The following NR2C2 variants were observed in gnomAD, a reference collection of about 807,000 sequenced individuals.
NR2C2 encodes the protein Nuclear hormone receptor TR4.
In NR2C2, 6 loss-of-function variants were observed where a neutral mutation model predicts 62.9. The observed-to-expected ratio is 0.10, with a 90% CI of 0.05 to 0.19. NR2C2 has a LOEUF of 0.19. Ranked by LOEUF, NR2C2 falls within the 10% of genes least tolerant of loss-of-function variation. NR2C2 has a pLI of 1.00. For synonymous variants in NR2C2, 272 were observed against 273.8 expected (o/e 0.99, Z 0.07); for missense variants, 479 against 762.7 (o/e 0.63, Z 4.38).
intron 1 of NR2C2, among the ~76,000 whole-genome samples, chr3:14,963,787 CAA>C (rs2039758351): frequency 6.6e-6 from 1 of 152,020 alleles, no homozygotes; most frequent in East Asian, 1.9e-4. Flanking sequence ...AATTTACGTT[CAA>C]AGAGAGGATT....
rs1319877705 is a variant in NR2C2 at position 15,016,664 on chromosome 3, A to G, written c.376+410A>G. On this transcript the variant is annotated intron_variant, in intron 4 of 13. Transcript: ENST00000425241. ...TAACCCACTGTAAATAACTGCTGTA[A>G]TGAAGCAGGAGGAGGCATGTGATTC... is the stretch of plus-strand genomic sequence containing the variant. Among the ~76,000 whole-genome samples, 5 of 152,330 alleles carry G rather than the reference A, an allele frequency of 3.3e-5. No individual in the cohort carries two copies. The East Asian group carries it at 5.8e-4, about 18-fold the overall frequency.
At chr3:14,977,614 T>C (rs1178101438) in intron 1 of NR2C2, among the ~76,000 whole-genome samples, 2 of 152,196 alleles carry the variant, frequency 1.3e-5, no homozygotes, top group Non-Finnish European at 2.9e-5. Context: ...TTAGTTCCTT[T>C]CTTTCCTATG....
chr3:15,000,883 C>T (rs1052457056), intron 1 of NR2C2, among the ~76,000 whole-genome samples: 4 of 141,698 alleles, frequency 2.8e-5, no homozygotes, highest in Non-Finnish European at 6.0e-5. Flanking sequence ...GGCACAATGT[C>T]GGCTCACTGC....
At chr3:14,948,890 C>G (rs1322645131) in intron 1 of NR2C2, among the ~76,000 whole-genome samples, 1 of 152,124 alleles carries the variant, frequency 6.6e-6, no homozygotes, top group Non-Finnish European at 1.5e-5. Context: ...GCATTCTTGC[C>G]AGGCCGGACC....
chr3:15,028,451 T>C (rs2041882783), intron 7 of NR2C2, 135 bp from the exon 8 acceptor site: 1 of 701,294 alleles, frequency 1.4e-6, no homozygotes, highest in Non-Finnish European at 2.3e-6. Flanking sequence ...AAAAAGATCT[T>C]CCTCGTGTTG....
chr3:14,978,836 A>T (rs2040281628), intron 1 of NR2C2, among the ~76,000 whole-genome samples: 1 of 152,166 alleles, frequency 6.6e-6, no homozygotes. Context: ...GGTTCAAGTT[A>T]TCCACAGACT....
At chr3:14,996,021 GTCT>G (rs1222909771) in intron 1 of NR2C2, among the ~76,000 whole-genome samples, 2 of 152,088 alleles carry the variant, frequency 1.3e-5, no homozygotes, top group Non-Finnish European at 2.9e-5. Flanking sequence ...ATTGGTTTTT[GTCT>G]TCTTTTCATT....
intron 1 of NR2C2, among the ~76,000 whole-genome samples, chr3:15,002,539 C>T (rs889331029): frequency 2.0e-5 from 3 of 150,708 alleles, no homozygotes; most frequent in Non-Finnish European, 2.9e-5. Flanking sequence ...GTTTTCTTTT[C>T]CTGTGATGTC....
chr3:14,999,462 G>A (rs1417994126), intron 1 of NR2C2, among the ~76,000 whole-genome samples: 1 of 152,144 alleles, frequency 6.6e-6, no homozygotes, highest in Non-Finnish European at 1.5e-5. Context: ...CTGCGCTCTA[G>A]CACAGGCAAC....
In NR2C2 at chr3:14,971,884, C is replaced by G. The variant is rs563966455; in HGVS notation, c.-40+23978C>G. ...AGTGCAATGGCATGATCTCGGCTCA[C>G]TGCAACCTCCGCCTCCCAGGTTCAA... On this transcript the variant is annotated intron_variant, in intron 1 of 13. Coordinates refer to ENST00000425241, the MANE Select transcript of NR2C2 (RefSeq NM_001291694.2). Among the ~76,000 whole-genome samples, 16 of 150,926 alleles carry G rather than the reference C, an allele frequency of 1.1e-4. No homozygotes were observed. The South Asian group carries it at 3.1e-3, about 30-fold the overall frequency.
intron 5 of NR2C2, among the ~76,000 whole-genome samples, chr3:15,022,666 C>A (rs1166167503): frequency 6.6e-6 from 1 of 151,956 alleles, no homozygotes; most frequent in Admixed American, 6.6e-5. Context: ...CAGACGTGAG[C>A]CACCACCCCC....
intron 1 of NR2C2, among the ~76,000 whole-genome samples, chr3:14,993,888 C>T (rs1177744385): frequency 6.6e-6 from 1 of 152,066 alleles, no homozygotes; most frequent in East Asian, 1.9e-4. Context: ...AGCCAAAATC[C>T]AGGGAGTTTA....
At chr3:15,015,202 C>G (rs563945813) in intron 3 of NR2C2, among the ~76,000 whole-genome samples, 1 of 152,198 alleles carries the variant, frequency 6.6e-6, no homozygotes, top group Non-Finnish European at 1.5e-5. Flanking sequence ...GGTGATTCTA[C>G]TTAATGATTT....
In NR2C2 at chr3:15,014,897, T is replaced by C. The variant is rs187603802; in HGVS notation, c.273+1108T>C. ...GTAGGTTGCTTCCACCTTTTGGCTGTTGAATTAATGCTGCTTAGAATCTCT... is the reference window on the plus strand; with the variant it reads ...GTAGGTTGCTTCCACCTTTTGGCTGCTGAATTAATGCTGCTTAGAATCTCT... On this transcript the variant is annotated intron_variant, in intron 3 of 13. Coordinates refer to ENST00000425241, the MANE Select transcript of NR2C2 (RefSeq NM_001291694.2). 1.2e-4 allele frequency among the ~76,000 whole-genome samples: 18 copies of C among 152,324 alleles called. 1 individual carries two copies. The East Asian group carries it at 1.4e-3, about 11-fold the overall frequency.
At chr3:15,029,846 G>GAT (rs1163348404) in intron 8 of NR2C2, among the ~76,000 whole-genome samples, 3 of 125,028 alleles carry the variant, frequency 2.4e-5, no homozygotes, top group Admixed American at 8.0e-5. Context: ...GATAGATATA[G>GAT]ATAGACCCCA....
Position 15,028,572 on chromosome 3 carries a change from T to G in NR2C2, c.799-14T>G, listed in dbSNP as rs539554814. Reference sequence around the variant, plus strand: ...CTGTGTTCATTTTTAATGTCAGTATTTTTTGTTTAATAGGCTGAAACAAGC... The same window carrying G: ...CTGTGTTCATTTTTAATGTCAGTATGTTTTGTTTAATAGGCTGAAACAAGC... On this transcript the variant is annotated splice_polypyrimidine_tract_variant and intron_variant, in intron 7 of 13. Transcript: ENST00000425241. 1.2e-6 allele frequency: 2 copies of G among 1,606,566 alleles called. No homozygotes were observed. Among genetic ancestry groups the G allele is most frequent in the Admixed American group, 3.3e-5 (2 of 59,806 alleles).
In NR2C2 at chr3:15,017,634, T is replaced by C. The variant is rs148777584; in HGVS notation, c.376+1380T>C. 5.3e-5 allele frequency among the ~76,000 whole-genome samples: 8 copies of C among 152,298 alleles called. No individual in the cohort carries two copies. In the East Asian group the frequency reaches 1.5e-3, roughly 29 times the overall value. On this transcript the variant is annotated intron_variant, in intron 4 of 13. Coordinates refer to ENST00000425241, the MANE Select transcript of NR2C2 (RefSeq NM_001291694.2). ...GCCTAGTCACAGGCTCTTGGTGCCA[T>C]TGTCTCCTGATATTAGTGTCACTCA...
At chr3:14,996,885 G>T (rs1267116256) in intron 1 of NR2C2, among the ~76,000 whole-genome samples, 4 of 152,232 alleles carry the variant, frequency 2.6e-5, no homozygotes, top group African/African-American at 9.6e-5. Flanking sequence ...CTTGTTTAAG[G>T]TGACAGTACA....
chr3:14,989,173 C>G (rs1364378814), intron 1 of NR2C2, among the ~76,000 whole-genome samples: 1 of 152,166 alleles, frequency 6.6e-6, no homozygotes, highest in Non-Finnish European at 1.5e-5. Context: ...GTGTTAGTTT[C>G]AGCCTCACCA....
Sources: allele counts gnomAD v4.1 joint callset (sites outside exome capture counted in the v4.1 genomes callset), GRCh38; gene constraint gnomAD v4.1.1; transcripts MANE v1.5; gene names NCBI Gene and HGNC (gene_info 2026-07-23, HGNC 2026-07-21).